The following NOTCH3 variants were observed in gnomAD, a reference collection of about 807,000 sequenced individuals.
NOTCH3 encodes notch receptor 3.
In NOTCH3, 86 loss-of-function variants were observed where a neutral mutation model predicts 213.3. That is an observed-to-expected ratio of 0.40 (90% CI 0.34 to 0.48). NOTCH3 has a LOEUF of 0.48. Among genes scored for constraint, NOTCH3 ranks in the 20% least tolerant of loss-of-function variants. The probability of loss-of-function intolerance (pLI) is 0.57; values close to 1 mark genes in which losing one functional copy is unlikely to be tolerated. For synonymous variants in NOTCH3, 1,354 were observed against 1,355.9 expected (o/e 1.00, Z 0.03); for missense variants, 2,783 against 3,272.6 (o/e 0.85, Z 3.65).
chr19:15,178,737 C>A, intron 23 of NOTCH3, 86 bp downstream of exon 23: 3 of 968,884 alleles, frequency 3.1e-6, no homozygotes, highest in Non-Finnish European at 3.2e-6. Context: ...TCCCCTAAAG[C>A]CACATCCTCC....
Position 15,179,489 on chromosome 19 carries a change from G to A in NOTCH3, c.3335C>T (p.Pro1112Leu), listed in dbSNP as rs780646145. 1.2e-6 allele frequency: 2 copies of A among 1,613,984 alleles called. No individual in the cohort carries two copies. Among genetic ancestry groups the A allele is most frequent in the South Asian group, 1.1e-5 (1 of 91,076 alleles). The change falls in exon 21 of 33, where the codon CCT (proline) becomes CTT (leucine). Residue 1112 changes from proline (P) to leucine (L), a missense_variant. Pro to Leu is a moderately conservative substitution (Grantham distance 98, BLOSUM62 -3). Around this residue, in one of 6 missense-constraint regions of NOTCH3, gnomAD observed 861 missense variants for 909.1 expected, o/e 0.95. Transcript: ENST00000263388. ...YMGGYMCECL[P>L]GYNGDNCEDD... ...CTCACAGTTATCACCATTGTAGCCAGGAAGACACTTCAGTGGGGTAAGAGA... is the reference window on the plus strand; with the variant it reads ...CTCACAGTTATCACCATTGTAGCCAAGAAGACACTTCAGTGGGGTAAGAGA...
chr19:15,171,523 G>A (rs890413053), intron 25 of NOTCH3, among the ~76,000 whole-genome samples: 1 of 151,974 alleles, frequency 6.6e-6, no homozygotes, highest in Non-Finnish European at 1.5e-5. Flanking sequence ...CTAATTTTTG[G>A]GGGGGGTTGG....
intron 32 of NOTCH3, among the ~76,000 whole-genome samples, chr19:15,161,982 CTTTTTTTTT>C (rs71168583): frequency 8.7e-6 from 1 of 114,714 alleles, no homozygotes; most frequent in Non-Finnish European, 1.7e-5. Flanking sequence ...TTTTTCTTGT[CTTTTTTTTT>C]TTTTTTTTTT....
chr19:15,192,435 C>T lies in NOTCH3; in HGVS notation c.282G>A (p.Gln94=), dbSNP rs896150517. Residue 94 remains glutamine, a synonymous_variant, in exon 3 of 33, where the codon CAG becomes CAA. Transcript: ENST00000263388. The part of the protein sequence containing the change: ...SGPCAGRGVC[Q]SSVVAGTARF... Reference sequence around the variant, plus strand: ...GGGCGGTGCCAGCCACCACTGAACTCTGGCAGACACCACGGCCAGCACAGG... The same window carrying T: ...GGGCGGTGCCAGCCACCACTGAACTTTGGCAGACACCACGGCCAGCACAGG... The T allele has an allele frequency of 1.7e-5, 27 of 1,612,728 alleles. No homozygotes were observed. The highest frequency in any genetic ancestry group is 2.2e-5 in the Non-Finnish European group (26 of 1,179,990).
At chr19:15,163,992 G>T (rs1370277147) in intron 31 of NOTCH3, among the ~76,000 whole-genome samples, 1 of 152,180 alleles carries the variant, frequency 6.6e-6, no homozygotes, top group Non-Finnish European at 1.5e-5. Flanking sequence ...GAAATGTCCA[G>T]AACAGGCAAA....
intron 25 of NOTCH3, 126 bp from the exon 26 acceptor site, chr19:15,170,951 G>A: frequency 9.8e-7 from 1 of 1,022,752 alleles, no homozygotes; most frequent in Non-Finnish European, 1.5e-6. Flanking sequence ...AGGTCTCCAT[G>A]GCCCACCTGC....
chr19:15,191,793 C>T lies in NOTCH3; in HGVS notation c.754G>A (p.Val252Met), dbSNP rs115836330. The part of the protein sequence containing the change: ...GHRCLNGGTC[V>M]DGVNTYNCQC... ...CAGTTATAGGTGTTGACGCCATCCACGCATGTCCCCCCATTGAGACATCGG... is the reference window on the plus strand; with the variant it reads ...CAGTTATAGGTGTTGACGCCATCCATGCATGTCCCCCCATTGAGACATCGG... Residue 252 changes from valine to methionine, a missense_variant, in exon 5 of 33, where the codon GTG becomes ATG. This residue lies in a region of NOTCH3 where 708 missense variants were observed against 906.6 expected (regional missense o/e 0.78). Transcript: ENST00000263388. 224 of 1,613,854 alleles carry T rather than the reference C, an allele frequency of 1.4e-4. No homozygotes were observed. Among genetic ancestry groups the T allele is most frequent in the Non-Finnish European group, 1.8e-4 (213 of 1,180,044 alleles).
rs765234764 is a variant in NOTCH3 at position 15,189,017 on chromosome 19, T to C, written c.1350A>G (p.Ile450Met). The C allele has an allele frequency of 6.2e-7, 1 of 1,612,170 alleles. No individual in the cohort carries two copies. Among genetic ancestry groups the C allele is most frequent in the Non-Finnish European group, 8.5e-7 (1 of 1,179,592 alleles). The change falls in exon 8 of 33, where the codon ATA becomes ATG. Residue 450 changes from isoleucine (I) to methionine (M), a missense_variant. Transcript: ENST00000263388. The stretch of plus-strand genomic sequence containing the variant: ...CCATACAGATACAGGTGAACTGGCC[T>C]ATGCGGTCGAGGCACGTGGCCTGGT... ...CRNQATCLDR[I>M]GQFTCICMAG... is the part of the protein sequence containing the mutation.
chr19:15,184,144 C>A, intron 16 of NOTCH3, 151 bp downstream of exon 16: 1 of 715,620 alleles, frequency 1.4e-6, no homozygotes, highest in Non-Finnish European at 2.3e-6. Flanking sequence ...AGAAGTCACT[C>A]AACCTCCTCG....
At chr19:15,186,685 G>A (rs747628452) in intron 12 of NOTCH3, among the ~76,000 whole-genome samples, 193 bp downstream of exon 12, 8 of 152,204 alleles carry the variant, frequency 5.3e-5, no homozygotes, top group Non-Finnish European at 8.8e-5. Flanking sequence ...GATTACAGGC[G>A]TGAGCCACCG....
rs757953594 is a variant in NOTCH3, at chr19:15,161,316, C to T, written c.6312G>A (p.Ser2104=). 2.0e-5 allele frequency: 31 copies of T among 1,526,960 alleles called. No homozygotes were observed. The highest frequency in any genetic ancestry group is 9.4e-5 in the East Asian group (4 of 42,626). The allele number at this position is 1,526,960 out of a possible 1,614,324, so 94.6% of individuals were successfully genotyped here. ...CACCGAAAGGCCGCGGGGAGTCCAG[C>T]GAGTCCACGGGCGACAGCGTGACCG... The part of the protein sequence containing the change: ...DSSVTLSPVD[S]LDSPRPFGGP... Residue 2104 remains serine, a synonymous_variant, in exon 33 of 33, where the codon TCG becomes TCA. Coordinates refer to ENST00000263388, the MANE Select transcript of NOTCH3 (RefSeq NM_000435.3).
intron 20 of NOTCH3, 116 bp from the exon 21 acceptor site, chr19:15,179,612 C>T: frequency 8.8e-7 from 1 of 1,142,616 alleles, no homozygotes; most frequent in Non-Finnish European, 1.3e-6. Context: ...ATGTTCAGCG[C>T]ACTACCAGTA....
chr19:15,188,469 C>A, intron 8 of NOTCH3, 121 bp from the exon 9 acceptor site: 2 of 727,310 alleles, frequency 2.7e-6, no homozygotes, highest in Non-Finnish European at 2.5e-6. Flanking sequence ...GTCCCCACCT[C>A]TACACTCCCA....
rs199684119 is a variant in NOTCH3 at position 15,167,382 on chromosome 19, C to T, written c.5229G>A (p.Glu1743=). 2.8e-5 allele frequency: 45 copies of T among 1,609,098 alleles called. No individual in the cohort carries two copies. Among genetic ancestry groups the T allele is most frequent in the Admixed American group, 1.3e-4 (8 of 60,032 alleles). The change falls in exon 29 of 33, where the codon GAG becomes GAA. Residue 1743 remains glutamate (E), a synonymous_variant. Transcript: ENST00000263388. ...GAGTCCACTGACGGCAATCCACAGC[C>T]TCCTCAGCCCCCATGCCTGGCTCCT... ...KVEEPGMGAE[E]AVDCRQWTQH...
chr19:15,179,161 G>A lies in NOTCH3; in HGVS notation c.3582C>T (p.Pro1194=), dbSNP rs2145417911. The change falls in exon 22 of 33, where the codon CCC becomes CCT. Residue 1194 remains proline, a synonymous_variant. Coordinates refer to ENST00000263388, the MANE Select transcript of NOTCH3 (RefSeq NM_000435.3). The part of the protein sequence containing the change: ...DLVGGFRCTC[P]PGYTGLRCEA... The stretch of plus-strand genomic sequence containing the variant: ...CGCAGCGCAAACCAGTGTATCCTGG[G>A]GGACAGGTGCAGCGGAAACCACCCA... 2.5e-6 allele frequency: 4 copies of A among 1,614,136 alleles called. No individual in the cohort carries two copies. Among genetic ancestry groups the A allele is most frequent in the South Asian group, 1.1e-5 (1 of 91,084 alleles).
chr19:15,189,495 G>A (rs1392271547), intron 6 of NOTCH3, 67 bp from the exon 7 acceptor site: 1 of 1,564,526 alleles, frequency 6.4e-7, no homozygotes, highest in African/African-American at 1.4e-5. Context: ...CACACCCCTT[G>A]AGTATTGTTT....
At chr19:15,164,758 C>T (rs1474285923) in intron 31 of NOTCH3, among the ~76,000 whole-genome samples, 17 of 150,184 alleles carry the variant, frequency 1.1e-4, no homozygotes, top group Admixed American at 1.0e-3. Context: ...AACTCCCTGC[C>T]CCCAGCCCCC....
rs1387078734 is a variant in NOTCH3 at position 15,160,805 on chromosome 19, T to C, written c.6823A>G (p.Thr2275Ala). The change falls in exon 33 of 33, where the codon ACT (threonine) becomes GCT (alanine). Residue 2275 changes from threonine to alanine, a missense_variant. This residue lies in a region of NOTCH3 where 441 missense variants were observed against 432.1 expected (regional missense o/e 1.02). Coordinates refer to ENST00000263388, the MANE Select transcript of NOTCH3 (RefSeq NM_000435.3). ...DWSESTPSPA[T>A]ATGAMATTTG... ...GTGGTGGCCATGGCCCCAGTGGCAG[T>C]GGCTGGGCTAGGCGTGGATTCGGAC... 2.5e-6 allele frequency: 4 copies of C among 1,613,476 alleles called. No homozygotes were observed. In the South Asian group the frequency reaches 4.4e-5, roughly 18 times the overall value.
intron 23 of NOTCH3, 63 bp downstream of exon 23, chr19:15,178,760 C>A: frequency 8.6e-7 from 1 of 1,167,750 alleles, no homozygotes; most frequent in Non-Finnish European, 1.3e-6. Flanking sequence ...CTAGACGCCA[C>A]GCCCCTACTA....
Sources: allele counts gnomAD v4.1 joint callset (sites outside exome capture counted in the v4.1 genomes callset), GRCh38; gene constraint gnomAD v4.1.1; regional missense constraint gnomAD v4.1.1; transcripts MANE v1.5; gene names NCBI Gene and HGNC (gene_info 2026-07-23, HGNC 2026-07-21).